ABCC1: variants seen among roughly 807,000 people sequenced by gnomAD.
The protein encoded by ABCC1 is multidrug resistance-associated protein 1.
A neutral mutation model predicts 172.9 loss-of-function variants in ABCC1; 83 were observed. The observed-to-expected ratio is 0.48, with a 90% CI of 0.40 to 0.58. ABCC1 has a LOEUF of 0.58. Among genes scored for constraint, ABCC1 ranks in the 20% least tolerant of loss-of-function variants. ABCC1 has a pLI of 0.00. For missense variants in ABCC1, 1,817 were observed against 2,002.7 expected, an observed-to-expected ratio of 0.91 and a Z score of 1.77; for synonymous variants, 937 against 825.2, an observed-to-expected ratio of 1.14 and a Z score of -2.32.
chr16:15,999,836 C>CTCTTTCTT (rs375541317), intron 1 of ABCC1, among the ~76,000 whole-genome samples: 944 of 16,846 alleles, frequency 0.056, 136 homozygotes, highest in Non-Finnish European at 0.08. Flanking sequence ...CTCTCTCTGT[C>CTCTTTCTT]TCTTTCTTTC....
chr16:15,961,213 C>A (rs2046123369), intron 1 of ABCC1, among the ~76,000 whole-genome samples: 1 of 152,062 alleles, frequency 6.6e-6, no homozygotes, highest in Admixed American at 6.6e-5. Context: ...AGAACCTTAA[C>A]TGAAACGTTT....
chr16:16,056,611 G>T (rs1411299693), intron 12 of ABCC1: 2 of 399,480 alleles, frequency 5.0e-6, no homozygotes, highest in African/African-American at 2.0e-5. Flanking sequence ...GACGGTTGGA[G>T]TGGGCCAAGA....
intron 5 of ABCC1, among the ~76,000 whole-genome samples, chr16:16,028,234 C>T (rs768186623): frequency 6.6e-6 from 1 of 152,126 alleles, no homozygotes; most frequent in Non-Finnish European, 1.5e-5. Context: ...TCCTTTGTTG[C>T]AGCTCTCACT....
chr16:16,024,975 G>A (rs1247596173), intron 5 of ABCC1, among the ~76,000 whole-genome samples: 1 of 152,046 alleles, frequency 6.6e-6, no homozygotes, highest in Non-Finnish European at 1.5e-5. Context: ...GACCAATCTG[G>A]TCAACATAGT....
chr16:16,076,173 C>T (rs2151973233), intron 14 of ABCC1, 153 bp from the exon 15 acceptor site: 4 of 711,084 alleles, frequency 5.6e-6, no homozygotes, highest in Non-Finnish European at 9.2e-6. Context: ...TTTCTTCTTT[C>T]AGAACCCGTG....
Position 15,993,223 on chromosome 16 carries a change from C to T in ABCC1, c.49-14593C>T, listed in dbSNP as rs942968070. 9.2e-5 allele frequency among the ~76,000 whole-genome samples: 14 copies of T among 152,124 alleles called. No homozygotes were observed. The East Asian group carries it at 1.3e-3, about 15-fold the overall frequency. On this transcript the variant is annotated intron_variant, in intron 1 of 30. Coordinates refer to ENST00000399410, the MANE Select transcript of ABCC1 (RefSeq NM_004996.4). The stretch of plus-strand genomic sequence containing the variant: ...TAGTAGGTGCTCAATAAACAGTCAT[C>T]GAATGATAGATTGAATGAATGAATG...
Position 16,134,439 on chromosome 16 carries a change from C to G in ABCC1, c.4056C>G (p.Ile1352Met). The change falls in exon 28 of 31, where the codon ATC becomes ATG. Residue 1352 changes from isoleucine (I) to methionine (M), a missense_variant. By Grantham distance (10) the Ile-to-Met change is conservative. Coordinates refer to ENST00000399410, the MANE Select transcript of ABCC1 (RefSeq NM_004996.4). ...ACGAGTCTGCCGAAGGAGAGATCAT[C>G]ATCGATGGCATCAACATCGCCAAGA... ...RINESAEGEI[I>M]IDGINIAKIG... The G allele has an allele frequency of 6.2e-7, 1 of 1,614,168 alleles. No individual in the cohort carries two copies. The highest frequency in any genetic ancestry group is 8.5e-7 in the Non-Finnish European group (1 of 1,180,030).
Position 16,046,564 on chromosome 16 carries a change from TG to T in ABCC1, c.1218+552del, listed in dbSNP as rs2049218244. Among the ~76,000 whole-genome samples, 3 of 152,178 alleles carry T rather than the reference TG, an allele frequency of 2.0e-5. No homozygotes were observed. In the South Asian group the frequency reaches 6.2e-4, roughly 32 times the overall value. On this transcript the variant is annotated intron_variant, in intron 9 of 30. Transcript: ENST00000399410. ...TTCGCCATGTTGGCCAGGCTGATCTTGAACTGCTGACCTCAGGTGATCCGCC... is the reference window on the plus strand; with the variant it reads ...TTCGCCATGTTGGCCAGGCTGATCTTAACTGCTGACCTCAGGTGATCCGCC...
chr16:15,976,683 G>A (rs2046499176), intron 1 of ABCC1, among the ~76,000 whole-genome samples: 1 of 152,132 alleles, frequency 6.6e-6, no homozygotes, highest in African/African-American at 2.4e-5. Flanking sequence ...TTTATGAGCT[G>A]TTTACTCCAA....
chr16:16,132,431 C>T (rs1220073040), intron 27 of ABCC1, among the ~76,000 whole-genome samples: 1 of 151,684 alleles, frequency 6.6e-6, no homozygotes, highest in East Asian at 1.9e-4. Context: ...GCCTCAGCTT[C>T]CCAAAGTGCT....
At chr16:16,135,091 A>C (rs752088196) in intron 28 of ABCC1, among the ~76,000 whole-genome samples, 9 of 152,226 alleles carry the variant, frequency 5.9e-5, no homozygotes, top group Non-Finnish European at 1.3e-4. Context: ...AAATCCAAAA[A>C]GACACCGTCT....
At position 16,114,872 on chromosome 16, in the gene ABCC1, C is replaced by T; in HGVS notation, c.3186C>T (p.Ser1062=). The change falls in exon 23 of 31, where the codon AGC becomes AGT. Residue 1062 remains serine (S), a synonymous_variant. Transcript: ENST00000399410. Reference sequence around the variant, plus strand: ...ACAGCATCCTGCGGTCACCCATGAGCTTCTTTGAGCGGACCCCCAGTGGGA... The same window carrying T: ...ACAGCATCCTGCGGTCACCCATGAGTTTCTTTGAGCGGACCCCCAGTGGGA... The part of the protein sequence containing the change: ...LLHSILRSPM[S]FFERTPSGNL... 1.2e-6 allele frequency: 2 copies of T among 1,613,934 alleles called. No individual in the cohort carries two copies. The highest frequency in any genetic ancestry group is 1.6e-4 in the Middle Eastern group (1 of 6,062).
chr16:15,998,580 C>T (rs570321450), intron 1 of ABCC1, among the ~76,000 whole-genome samples: 28 of 152,202 alleles, frequency 1.8e-4, no homozygotes, highest in Admixed American at 3.9e-4. Context: ...CTCGTCATGC[C>T]TTCCTTCCCT....
At chr16:16,042,898 G>A (rs1319105446) in intron 7 of ABCC1, among the ~76,000 whole-genome samples, 2 of 151,980 alleles carry the variant, frequency 1.3e-5, no homozygotes, top group African/African-American at 4.8e-5. Context: ...TTGCTGTGGC[G>A]CTGAGGCTGG....
At chr16:16,133,759 G>C (rs1258486975) in intron 27 of ABCC1, among the ~76,000 whole-genome samples, 1 of 152,144 alleles carries the variant, frequency 6.6e-6, no homozygotes, top group African/African-American at 2.4e-5. Context: ...CACGCATGCT[G>C]CTCTGTGACA....
chr16:15,966,497 C>G (rs1351941989), intron 1 of ABCC1, among the ~76,000 whole-genome samples: 1 of 151,798 alleles, frequency 6.6e-6, no homozygotes. Context: ...AAAATTGGAG[C>G]TGTCTGGCAC....
At chr16:16,014,906 T>C (rs2047938369) in intron 4 of ABCC1, among the ~76,000 whole-genome samples, 1 of 152,208 alleles carries the variant, frequency 6.6e-6, no homozygotes, top group Admixed American at 6.5e-5. Context: ...TGTGGGCCGA[T>C]GCCAGGCTGG....
intron 1 of ABCC1, among the ~76,000 whole-genome samples, chr16:15,950,470 C>T (rs1231669362): frequency 6.6e-6 from 1 of 152,080 alleles, no homozygotes; most frequent in Non-Finnish European, 1.5e-5. Flanking sequence ...CTGAGGACGC[C>T]CAGGACCCTG....
At chr16:15,999,273 G>A (rs1461917943) in intron 1 of ABCC1, among the ~76,000 whole-genome samples, 1 of 152,078 alleles carries the variant, frequency 6.6e-6, no homozygotes, top group African/African-American at 2.4e-5. Context: ...CCGAAGTGCT[G>A]GGTTTACAGG....
Sources: allele counts gnomAD v4.1 joint callset (sites outside exome capture counted in the v4.1 genomes callset), GRCh38; gene constraint gnomAD v4.1.1; transcripts MANE v1.5; gene names NCBI Gene and HGNC (gene_info 2026-07-23, HGNC 2026-07-21).